HLCS: variants seen among roughly 807,000 people sequenced by gnomAD.
HLCS encodes holocarboxylase synthetase.
In HLCS, 53 loss-of-function variants were observed where a neutral mutation model predicts 75.0. The ratio of observed to expected loss-of-function variants is 0.71; its 90% CI spans 0.57 to 0.89. HLCS has a LOEUF of 0.89. HLCS is among the 40% of genes least tolerant of loss of function. HLCS has a pLI of 0.00. For synonymous variants in HLCS, 431 were observed against 428.6 expected (o/e 1.01, Z -0.07); for missense variants, 966 against 1,074.0 (o/e 0.90, Z 1.41).
At chr21:36,827,891 G>A (rs2062062908) in intron 6 of HLCS, among the ~76,000 whole-genome samples, 4 of 149,162 alleles carry the variant, frequency 2.7e-5, no homozygotes, top group Admixed American at 2.0e-4. Flanking sequence ...TTGGCTCACT[G>A]CAAGCTCCAC....
intron 2 of HLCS, chr21:36,948,097 C>G (rs774329231): frequency 2.5e-6 from 1 of 403,488 alleles, no homozygotes; most frequent in African/African-American, 2.2e-5. Context: ...CGAAACCAGC[C>G]TGGATGGCAT....
At position 36,937,337 on chromosome 21, in the gene HLCS, CTTGT is replaced by C. The variant is rs2066941483; in HGVS notation, c.545_548del (p.Asn182SerfsTer6). On this transcript the variant is annotated frameshift_variant, in exon 4 of 11. Coordinates refer to ENST00000674895, the MANE Select transcript of HLCS (RefSeq NM_001352514.2). LOFTEE classifies it high-confidence loss of function. ...GCTTCGGCTCTAGGATCTGGGCTTG[CTTGT>C]TTGAGACCTGATCCTTAACTTCCTT... The C allele has an allele frequency of 1.2e-6, 2 of 1,613,950 alleles. No individual in the cohort carries two copies. The highest frequency in any genetic ancestry group is 1.7e-5 in the Admixed American group (1 of 60,006).
At chr21:36,774,307 C>T (rs1004315990) in intron 6 of HLCS, among the ~76,000 whole-genome samples, 10 of 152,174 alleles carry the variant, frequency 6.6e-5, no homozygotes, top group African/African-American at 2.2e-4. Flanking sequence ...TTAGAAACAT[C>T]ACAGCAGAGT....
chr21:36,777,770 G>A (rs1340926698), intron 6 of HLCS, among the ~76,000 whole-genome samples: 1 of 152,158 alleles, frequency 6.6e-6, no homozygotes, highest in African/African-American at 2.4e-5. Flanking sequence ...GACATCGGGA[G>A]GCAGGCAGTG....
chr21:36,905,921 A>G (rs990536689), intron 5 of HLCS, among the ~76,000 whole-genome samples: 5 of 151,804 alleles, frequency 3.3e-5, no homozygotes, highest in African/African-American at 9.7e-5. Context: ...GTGGTGGCAC[A>G]CACCTATAAT....
rs149263135 is a variant in HLCS, at chr21:36,915,274, C to T, written c.1620+14977G>A. On this transcript the variant is annotated intron_variant, in intron 5 of 10. Transcript: ENST00000674895. ...ACGAGAACATCTCTCTCTGGTAAAACGGAGCTTCAAGATTCAATGTTTAGC... is the reference window on the plus strand; with the variant it reads ...ACGAGAACATCTCTCTCTGGTAAAATGGAGCTTCAAGATTCAATGTTTAGC... Among the ~76,000 whole-genome samples the T allele has an allele frequency of 8.3e-4, 126 of 152,312 alleles. 1 individual carries two copies. The highest frequency in any genetic ancestry group is 2.1e-3 in the African/African-American group (86 of 41,560).
In HLCS at chr21:36,785,473, AC is replaced by A. The variant is rs533815916; in HGVS notation, c.1893-18189del. Among the ~76,000 whole-genome samples, 27 of 151,684 alleles carry A rather than the reference AC, an allele frequency of 1.8e-4. 1 individual carries two copies. In the East Asian group the frequency reaches 5.0e-3, roughly 28 times the overall value. ...CCCGGCTCTCTGCCTGTGGGGGCTG[AC>A]CCCTTGAGACCTGGGTGGATTCGTG... On this transcript the variant is annotated intron_variant, in intron 6 of 10. Transcript: ENST00000674895.
chr21:36,915,959 C>T (rs754438346), intron 5 of HLCS, among the ~76,000 whole-genome samples: 1 of 152,102 alleles, frequency 6.6e-6, no homozygotes, highest in Non-Finnish European at 1.5e-5. Flanking sequence ...AAAACCAAAA[C>T]ACTTTGCAAG....
At chr21:36,755,926 G>C (rs1052997366) in intron 10 of HLCS, among the ~76,000 whole-genome samples, 2 of 152,220 alleles carry the variant, frequency 1.3e-5, no homozygotes, top group African/African-American at 4.8e-5. Flanking sequence ...TGACAATTTA[G>C]ATGCGTCTAT....
At chr21:36,877,905 C>T (rs1045749479) in intron 6 of HLCS, among the ~76,000 whole-genome samples, 1 of 152,136 alleles carries the variant, frequency 6.6e-6, no homozygotes, top group African/African-American at 2.4e-5. Context: ...TTGTTCCACT[C>T]TCTTCTGGCT....
chr21:36,854,512 G>A (rs750456051), intron 6 of HLCS, among the ~76,000 whole-genome samples: 19 of 152,214 alleles, frequency 1.2e-4, no homozygotes, highest in Non-Finnish European at 2.2e-4. Flanking sequence ...CTTCTTAGGC[G>A]CTGGTTTTCC....
chr21:36,852,813 A>T (rs1323389925), intron 6 of HLCS, among the ~76,000 whole-genome samples: 1 of 152,040 alleles, frequency 6.6e-6, no homozygotes, highest in Non-Finnish European at 1.5e-5. Flanking sequence ...TCCCTCAGAC[A>T]CAGGACCCCG....
intron 6 of HLCS, among the ~76,000 whole-genome samples, chr21:36,876,318 A>AT (rs539052175): frequency 4.7e-4 from 71 of 152,236 alleles, no homozygotes; most frequent in African/African-American, 1.6e-3. Context: ...ATCCTGTGAC[A>AT]TTTTCGTATA....
intron 2 of HLCS, among the ~76,000 whole-genome samples, chr21:36,958,010 AAG>A (rs1285741307): frequency 1.6e-4 from 24 of 151,730 alleles, no homozygotes; most frequent in African/African-American, 4.6e-4. Context: ...GGTGGATCCC[AAG>A]GTCAGGAGAT....
chr21:36,826,858 GAACA>G (rs750722112), intron 6 of HLCS, among the ~76,000 whole-genome samples: 1 of 152,194 alleles, frequency 6.6e-6, no homozygotes, highest in Non-Finnish European at 1.5e-5. Flanking sequence ...GGTGAATACA[GAACA>G]AATATTCAAA....
At chr21:36,868,343 T>G (rs2063645334) in intron 6 of HLCS, among the ~76,000 whole-genome samples, 1 of 148,650 alleles carries the variant, frequency 6.7e-6, no homozygotes, top group African/African-American at 2.6e-5. Context: ...TCAAAAAGAC[T>G]TGAAAAAGCA....
chr21:36,782,251 TA>T (rs1048521739), intron 6 of HLCS, among the ~76,000 whole-genome samples: 4 of 151,772 alleles, frequency 2.6e-5, no homozygotes, highest in South Asian at 2.1e-4. Context: ...TGAGGAAGAC[TA>T]AAAAAAAATT....
At chr21:36,939,905 C>T (rs573244681) in intron 2 of HLCS, among the ~76,000 whole-genome samples, 3 of 152,056 alleles carry the variant, frequency 2.0e-5, no homozygotes, top group East Asian at 1.9e-4. Flanking sequence ...AAAAATTAGC[C>T]GGGCGTGGTG....
intron 6 of HLCS, among the ~76,000 whole-genome samples, chr21:36,873,902 G>T (rs1158510133): frequency 6.6e-6 from 1 of 152,226 alleles, no homozygotes; most frequent in Non-Finnish European, 1.5e-5. Flanking sequence ...CACCTGGCTA[G>T]AATTTTTAAA....
Sources: gnomAD v4.1 joint callset for allele counts (sites outside exome capture counted in the v4.1 genomes callset) on GRCh38, gnomAD v4.1.1 for gene constraint, MANE v1.5 for transcripts, NCBI Gene and HGNC (gene_info 2026-07-23, HGNC 2026-07-21) for gene names.